Variants in MAMDC2 observed in about 807,000 individuals in gnomAD.
MAMDC2 encodes the protein MAM domain containing 2, also known as MAM domain-containing protein 2.
Under a neutral mutation model 89.8 loss-of-function variants are expected in MAMDC2, and 57 were observed. That is an observed-to-expected ratio of 0.63 (90% CI 0.51 to 0.79). The LOEUF (loss-of-function observed/expected upper bound fraction) is 0.79. Ranked by LOEUF, MAMDC2 falls within the 30% of genes least tolerant of loss-of-function variation. MAMDC2 has a pLI of 0.00. For missense variants in MAMDC2, 800 were observed against 820.6 expected, an observed-to-expected ratio of 0.97 and a Z score of 0.31; for synonymous variants, 313 against 293.4, an observed-to-expected ratio of 1.07 and a Z score of -0.68.
At chr9:70,222,104 G>A (rs2033575894) in intron 12 of MAMDC2, among the ~76,000 whole-genome samples, 1 of 152,152 alleles carries the variant, frequency 6.6e-6, no homozygotes. Context: ...GTCATCAGAA[G>A]CCCACGAGAC....
At chr9:70,187,542 ACTAT>A (rs1363794866) in intron 11 of MAMDC2, among the ~76,000 whole-genome samples, 1 of 152,104 alleles carries the variant, frequency 6.6e-6, no homozygotes, top group African/African-American at 2.4e-5. Context: ...AATGCTTATC[ACTAT>A]CTAATTCTAG....
intron 9 of MAMDC2, among the ~76,000 whole-genome samples, chr9:70,149,175 T>G (rs2031505765): frequency 7.3e-6 from 1 of 137,930 alleles, no homozygotes; most frequent in Non-Finnish European, 1.5e-5. Context: ...AGATTTGCAC[T>G]CCAGCCTGGG....
At chr9:70,182,195 G>A (rs1357857038) in intron 11 of MAMDC2, among the ~76,000 whole-genome samples, 1 of 152,148 alleles carries the variant, frequency 6.6e-6, no homozygotes, top group Non-Finnish European at 1.5e-5. Context: ...TTGTATCCCA[G>A]GGATGAAGCC....
At chr9:70,069,463 C>T (rs909263309) in intron 2 of MAMDC2, among the ~76,000 whole-genome samples, 1 of 152,080 alleles carries the variant, frequency 6.6e-6, no homozygotes, top group Non-Finnish European at 1.5e-5. Context: ...ATCAAACAGC[C>T]AAGGCTTGTC....
intron 9 of MAMDC2, among the ~76,000 whole-genome samples, chr9:70,161,362 G>T (rs768123177): frequency 6.6e-6 from 1 of 152,176 alleles, no homozygotes; most frequent in Admixed American, 6.5e-5. Context: ...TCTGTCGCTT[G>T]TAAGAGCCAA....
intron 11 of MAMDC2, among the ~76,000 whole-genome samples, chr9:70,177,918 G>C (rs928610581): frequency 1.3e-5 from 2 of 152,096 alleles, no homozygotes; most frequent in African/African-American, 4.8e-5. Context: ...TACAATGATT[G>C]GTATTTTGGA....
At chr9:70,103,233 C>T (rs1353464917) in intron 2 of MAMDC2, among the ~76,000 whole-genome samples, 1 of 152,082 alleles carries the variant, frequency 6.6e-6, no homozygotes, top group Non-Finnish European at 1.5e-5. Flanking sequence ...GCATTATTCC[C>T]ATTTTGATAT....
At chr9:70,134,500 G>A (rs980868126) in intron 7 of MAMDC2, among the ~76,000 whole-genome samples, 2 of 151,964 alleles carry the variant, frequency 1.3e-5, no homozygotes, top group African/African-American at 4.8e-5. Context: ...GCCTCAAACT[G>A]AGAGCTCTAC....
intron 11 of MAMDC2, among the ~76,000 whole-genome samples, chr9:70,207,641 T>A (rs1321403973): frequency 6.6e-6 from 1 of 152,206 alleles, no homozygotes; most frequent in Non-Finnish European, 1.5e-5. Flanking sequence ...TTTAATTAGA[T>A]CCCATTTGTC....
At chr9:70,122,675 G>A (rs1453522576) in intron 5 of MAMDC2, among the ~76,000 whole-genome samples, 1 of 152,106 alleles carries the variant, frequency 6.6e-6, no homozygotes, top group East Asian at 1.9e-4. Flanking sequence ...AATTGGAAGG[G>A]TAAAATGAAT....
intron 3 of MAMDC2, among the ~76,000 whole-genome samples, chr9:70,109,018 G>T (rs1220348159): frequency 6.6e-6 from 1 of 152,212 alleles, no homozygotes; most frequent in Non-Finnish European, 1.5e-5. Flanking sequence ...GTGAAGCTGG[G>T]TGTGGACTGG....
chr9:70,112,117 G>C (rs1828525869), intron 4 of MAMDC2, among the ~76,000 whole-genome samples: 1 of 152,154 alleles, frequency 6.6e-6, no homozygotes, highest in African/African-American at 2.4e-5. Context: ...AACCTCTGCA[G>C]GACCTATCAG....
At chr9:70,076,202 C>A (rs1827527830) in intron 2 of MAMDC2, among the ~76,000 whole-genome samples, 1 of 152,168 alleles carries the variant, frequency 6.6e-6, no homozygotes, top group South Asian at 2.1e-4. Flanking sequence ...GCGGGCAGAT[C>A]ACGAGGTCAG....
chr9:70,063,270 T>C (rs528504611), intron 2 of MAMDC2: 1 of 152,010 alleles, frequency 6.6e-6, no homozygotes, highest in Admixed American at 6.6e-5. Context: ...AAAAAATAAA[T>C]AGGCAAACAA....
intron 5 of MAMDC2, among the ~76,000 whole-genome samples, chr9:70,114,600 G>A (rs1346733450): frequency 6.6e-6 from 1 of 152,086 alleles, no homozygotes; most frequent in Non-Finnish European, 1.5e-5. Context: ...CAAATAAAAA[G>A]ACTGGAGTCT....
intron 11 of MAMDC2, among the ~76,000 whole-genome samples, chr9:70,174,832 C>A (rs2032448695): frequency 6.6e-6 from 1 of 151,014 alleles, no homozygotes; most frequent in South Asian, 2.1e-4. Flanking sequence ...TCAAGCAATT[C>A]TCCCTGCCTC....
intron 9 of MAMDC2, among the ~76,000 whole-genome samples, chr9:70,163,229 CTTTTTTTTTTT>C (rs66957093): frequency 8.0e-6 from 1 of 125,128 alleles, no homozygotes; most frequent in South Asian, 2.5e-4. Context: ...TTCTTTCTTT[CTTTTTTTTTTT>C]TTTTTTTAGA....
At chr9:70,221,684 A>G (rs938134542) in intron 12 of MAMDC2, among the ~76,000 whole-genome samples, 1 of 151,946 alleles carries the variant, frequency 6.6e-6, no homozygotes, top group Non-Finnish European at 1.5e-5. Flanking sequence ...GAGGTGACAG[A>G]TATGTTAATT....
chr9:70,132,990 T>C (rs778782515), intron 7 of MAMDC2, among the ~76,000 whole-genome samples: 19 of 152,160 alleles, frequency 1.2e-4, no homozygotes, highest in Non-Finnish European at 2.5e-4. Context: ...ATCCAAACAA[T>C]AATCAAAGAT....
Sources: gnomAD v4.1 joint callset for allele counts (sites outside exome capture counted in the v4.1 genomes callset) on GRCh38, gnomAD v4.1.1 for gene constraint, MANE v1.5 for transcripts, NCBI Gene and HGNC (gene_info 2026-07-23, HGNC 2026-07-21) for gene names.